Variants in FGGY observed in about 807,000 individuals in gnomAD.
FGGY encodes FGGY carbohydrate kinase domain-containing protein.
FGGY carries 72 observed loss-of-function variants against 71.3 expected under a neutral mutation model. That is an observed-to-expected ratio of 1.01 (90% CI 0.84 to 1.23). The LOEUF (loss-of-function observed/expected upper bound fraction) is 1.23, where lower values mean the gene tolerates loss of function less well. Ranked by LOEUF, FGGY falls within the 50% of genes most tolerant of loss-of-function variation. The pLI is 0.00. For synonymous variants in FGGY, 251 were observed against 250.3 expected (o/e 1.00, Z -0.02); for missense variants, 668 against 682.3 (o/e 0.98, Z 0.23).
At chr1:59,326,936 A>G (rs750216129) in intron 2 of FGGY, among the ~76,000 whole-genome samples, 2 of 152,238 alleles carry the variant, frequency 1.3e-5, no homozygotes, top group South Asian at 2.1e-4. Flanking sequence ...GTGTAATAGC[A>G]TTAGTCTAAA....
At chr1:59,621,908 A>G (rs2096812192) in intron 9 of FGGY, among the ~76,000 whole-genome samples, 2 of 151,838 alleles carry the variant, frequency 1.3e-5, no homozygotes, top group Admixed American at 1.3e-4. Context: ...CTTCCCTCTT[A>G]CTGTGACTCC....
intron 8 of FGGY, among the ~76,000 whole-genome samples, chr1:59,573,869 C>T (rs768787486): frequency 3.3e-5 from 5 of 152,142 alleles, no homozygotes; most frequent in Non-Finnish European, 5.9e-5. Flanking sequence ...GCCAAGGAAA[C>T]TCAGAGTTAA....
chr1:59,644,465 A>G (rs890056156), intron 11 of FGGY, among the ~76,000 whole-genome samples: 3 of 152,134 alleles, frequency 2.0e-5, no homozygotes, highest in African/African-American at 7.2e-5. Flanking sequence ...CCACTATGTA[A>G]ACATTTCTCC....
In FGGY at chr1:59,313,924, C is replaced by T. The variant is rs116436218; in HGVS notation, c.-14-7612C>T. Among the ~76,000 whole-genome samples, 1,485 of 151,948 alleles carry T rather than the reference C, an allele frequency of 9.8e-3. 23 individuals are homozygous for T. Among genetic ancestry groups the T allele is most frequent in the African/African-American group, 0.034 (1,390 of 41,436 alleles). ...CCACTCAAGAACTTACTCATGTAAC[C>T]GAACACCACCTGTTCCCCAAAAACC... is the stretch of plus-strand genomic sequence containing the variant. On this transcript the variant is annotated intron_variant, in intron 1 of 15. Coordinates refer to ENST00000303721, the MANE Select transcript of FGGY (RefSeq NM_018291.5).
intron 5 of FGGY, among the ~76,000 whole-genome samples, chr1:59,451,538 C>CAT (rs61670111): frequency 0.034 from 5,145 of 151,918 alleles, 286 homozygotes; most frequent in African/African-American, 0.12. Flanking sequence ...CACATACATG[C>CAT]ATATATATAC....
chr1:59,412,902 G>T (rs1474687687), intron 5 of FGGY, among the ~76,000 whole-genome samples: 1 of 152,180 alleles, frequency 6.6e-6, no homozygotes, highest in African/African-American at 2.4e-5. Context: ...CTGATAAGGG[G>T]TCAGCAAGAA....
intron 1 of FGGY, among the ~76,000 whole-genome samples, chr1:59,302,293 T>G (rs1490845379): frequency 6.6e-6 from 1 of 152,202 alleles, no homozygotes; most frequent in Non-Finnish European, 1.5e-5. Flanking sequence ...TAGAATGAAT[T>G]AGGAAGTATT....
At chr1:59,553,153 G>T (rs982481370) in intron 7 of FGGY, among the ~76,000 whole-genome samples, 11 of 152,142 alleles carry the variant, frequency 7.2e-5, no homozygotes, top group Admixed American at 3.3e-4. Flanking sequence ...GAGATTGAGA[G>T]CAAACGTGGC....
At chr1:59,543,327 G>A (rs1269336942) in intron 7 of FGGY, among the ~76,000 whole-genome samples, 2 of 152,118 alleles carry the variant, frequency 1.3e-5, no homozygotes, top group African/African-American at 4.8e-5. Context: ...TTACAATCCC[G>A]TTTCTAGTCT....
chr1:59,629,224 T>TAAATAAATAAATAAATAAATAAATA (rs142808830), intron 10 of FGGY, among the ~76,000 whole-genome samples: 2 of 151,990 alleles, frequency 1.3e-5, no homozygotes, highest in African/African-American at 4.8e-5. Context: ...AATGAATAAA[T>TAAATAAATAAATAAATAAATAAATA]AATAAATAAA....
intron 13 of FGGY, among the ~76,000 whole-genome samples, chr1:59,671,712 A>G (rs946866480): frequency 3.3e-5 from 5 of 152,244 alleles, no homozygotes; most frequent in African/African-American, 1.2e-4. Flanking sequence ...CCTTATTATA[A>G]TAGCAGTTTT....
At chr1:59,588,138 G>C (rs552318297) in intron 8 of FGGY, among the ~76,000 whole-genome samples, 18 of 152,330 alleles carry the variant, frequency 1.2e-4, no homozygotes, top group South Asian at 6.2e-4. Flanking sequence ...CGAGAACTAC[G>C]TGAAGAATGC....
intron 14 of FGGY, chr1:59,699,164 A>C (rs2097689066): frequency 2.0e-5 from 20 of 985,418 alleles, no homozygotes; most frequent in Non-Finnish European, 2.4e-5. Context: ...TAGTATCGTG[A>C]GCTTCAGCTG....
chr1:59,441,991 A>G (rs931645652), intron 5 of FGGY, among the ~76,000 whole-genome samples: 2 of 152,184 alleles, frequency 1.3e-5, no homozygotes, highest in South Asian at 4.1e-4. Flanking sequence ...GCTACTCCCA[A>G]GTGAAGCTTC....
chr1:59,299,191 G>A (rs2042393684), intron 1 of FGGY, among the ~76,000 whole-genome samples: 1 of 152,168 alleles, frequency 6.6e-6, no homozygotes, highest in Non-Finnish European at 1.5e-5. Flanking sequence ...GAGAAAGAGC[G>A]AGGGATTATA....
rs374258439 is a variant in FGGY at position 59,505,057 on chromosome 1, T to A, written c.671-7254T>A. Among the ~76,000 whole-genome samples the A allele has an allele frequency of 8.5e-5, 13 of 152,298 alleles. 1 individual carries two copies. In the East Asian group the frequency reaches 1.2e-3, roughly 14 times the overall value. On this transcript the variant is annotated intron_variant, in intron 6 of 15. Transcript: ENST00000303721. ...GAAAAAATAAAACACAACGTAAGGG[T>A]CATAATTTTTAAGTTGGATTAAAAA...
At chr1:59,484,037 G>A (rs142553671) in intron 6 of FGGY, among the ~76,000 whole-genome samples, 24 of 152,270 alleles carry the variant, frequency 1.6e-4, no homozygotes, top group African/African-American at 5.5e-4. Context: ...ACATGAATTA[G>A]CAGGTAAACT....
rs577506107 is a variant in FGGY, at chr1:59,502,650, G to T, written c.671-9661G>T. Among the ~76,000 whole-genome samples the T allele has an allele frequency of 4.3e-4, 65 of 152,274 alleles. 1 individual carries two copies. Among genetic ancestry groups the T allele is most frequent in the African/African-American group, 1.5e-3 (64 of 41,574 alleles). On this transcript the variant is annotated intron_variant, in intron 6 of 15. Coordinates refer to ENST00000303721, the MANE Select transcript of FGGY (RefSeq NM_018291.5). ...CTCCAGGTGGGGGAAGATGCAGGAT[G>T]GTGCTGCCATAGCAGGGAGTGCTGA...
intron 1 of FGGY, among the ~76,000 whole-genome samples, chr1:59,297,555 G>T (rs2153069409): frequency 6.6e-6 from 1 of 152,334 alleles, no homozygotes; most frequent in Non-Finnish European, 1.5e-5. Context: ...GGGCGCGGTG[G>T]CTCACGCCTG....
Sources: gnomAD v4.1 joint callset for allele counts (sites outside exome capture counted in the v4.1 genomes callset) on GRCh38, gnomAD v4.1.1 for gene constraint, MANE v1.5 for transcripts, NCBI Gene and HGNC (gene_info 2026-07-23, HGNC 2026-07-21) for gene names.